Variants in PDE10A observed in about 807,000 individuals in gnomAD.
PDE10A encodes phosphodiesterase 10A, also known as cAMP and cAMP-inhibited cGMP 3',5'-cyclic phosphodiesterase 10A.
A neutral mutation model predicts 97.7 loss-of-function variants in PDE10A; 39 were observed. The observed-to-expected ratio is 0.40, with a 90% CI of 0.31 to 0.52. PDE10A has a LOEUF of 0.52. Ranked by LOEUF, PDE10A falls within the 20% of genes least tolerant of loss-of-function variation. The pLI is 0.56. For missense variants in PDE10A, 731 were observed against 1,047.8 expected (o/e 0.70, Z 4.17); for synonymous variants, 371 against 376.8 (o/e 0.98, Z 0.18).
At chr6:165,619,460 T>C (rs1421669504) in intron 1 of PDE10A, among the ~76,000 whole-genome samples, 1 of 125,398 alleles carries the variant, frequency 8.0e-6, no homozygotes, top group Non-Finnish European at 1.8e-5. Context: ...TAGTGTAGTG[T>C]AGTCTAGTGT....
intron 1 of PDE10A, among the ~76,000 whole-genome samples, chr6:165,979,858 TC>T (rs1474861979): frequency 6.6e-6 from 1 of 152,206 alleles, no homozygotes; most frequent in East Asian, 1.9e-4. Flanking sequence ...CAATTACAAT[TC>T]TCACAAATCT....
chr6:165,501,184 TCA>T (rs1408658006), intron 2 of PDE10A, among the ~76,000 whole-genome samples: 1 of 152,154 alleles, frequency 6.6e-6, no homozygotes, highest in African/African-American at 2.4e-5. Flanking sequence ...CTTTCTTTTC[TCA>T]GTCTCTCATC....
intron 1 of PDE10A, among the ~76,000 whole-genome samples, chr6:165,878,726 C>G (rs1259952990): frequency 6.6e-6 from 1 of 152,148 alleles, no homozygotes; most frequent in African/African-American, 2.4e-5. Context: ...CGAGATGATC[C>G]TGAATTATCC....
chr6:165,894,577 G>C, intron 1 of PDE10A: 1 of 455,912 alleles, frequency 2.2e-6, no homozygotes, highest in Non-Finnish European at 4.4e-6. Context: ...GGCTCCTGGA[G>C]AAGGACCACA....
intron 1 of PDE10A, among the ~76,000 whole-genome samples, chr6:165,772,892 G>C (rs1778054051): frequency 6.6e-6 from 1 of 152,164 alleles, no homozygotes; most frequent in Non-Finnish European, 1.5e-5. Flanking sequence ...AGAGACTCCT[G>C]GCTGGGCATC....
At chr6:165,513,680 G>T (rs989667499) in intron 2 of PDE10A, among the ~76,000 whole-genome samples, 5 of 151,866 alleles carry the variant, frequency 3.3e-5, no homozygotes, top group Non-Finnish European at 5.9e-5. Context: ...CATTCATTTC[G>T]ATTTTCTTTA....
chr6:165,791,122 A>T (rs1045246129), intron 1 of PDE10A, among the ~76,000 whole-genome samples: 47 of 151,828 alleles, frequency 3.1e-4, no homozygotes, highest in African/African-American at 9.4e-4. Context: ...TTTTTAAAAA[A>T]TTTTTTGCAG....
chr6:165,441,785 C>A (rs1449299388), intron 5 of PDE10A, among the ~76,000 whole-genome samples: 1 of 152,138 alleles, frequency 6.6e-6, no homozygotes, highest in Admixed American at 6.5e-5. Flanking sequence ...ATGACTGGGG[C>A]TCAAGAACAG....
intron 1 of PDE10A, among the ~76,000 whole-genome samples, chr6:165,695,343 TGA>T (rs61333352): frequency 0.11 from 15,969 of 152,062 alleles, 1,439 homozygotes; most frequent in East Asian, 0.26. Context: ...GTAGGAATGG[TGA>T]GAGTCTGTGC....
chr6:165,386,560 T>C (rs192534085), intron 17 of PDE10A, among the ~76,000 whole-genome samples: 4 of 151,912 alleles, frequency 2.6e-5, no homozygotes, highest in Admixed American at 2.0e-4. Context: ...AACAAACAAA[T>C]AGTCTCCAAT....
At chr6:165,408,557 C>T (rs1408130297) in intron 13 of PDE10A, among the ~76,000 whole-genome samples, 2 of 152,018 alleles carry the variant, frequency 1.3e-5, no homozygotes, top group Non-Finnish European at 2.9e-5. Flanking sequence ...TATAAAGAAA[C>T]GCGATGCTAT....
intron 3 of PDE10A, among the ~76,000 whole-genome samples, chr6:165,453,080 T>C (rs1777734988): frequency 6.6e-6 from 1 of 152,094 alleles, no homozygotes; most frequent in Non-Finnish European, 1.5e-5. Context: ...CACAAAGAAC[T>C]TGACTGATCT....
At chr6:165,715,765 A>G (rs538918551) in intron 1 of PDE10A, among the ~76,000 whole-genome samples, 66 of 152,326 alleles carry the variant, frequency 4.3e-4, no homozygotes, top group African/African-American at 1.6e-3. Flanking sequence ...ATCACTCGAC[A>G]GTAGGGGGAC....
intron 1 of PDE10A, among the ~76,000 whole-genome samples, chr6:165,606,133 TATTAAC>T (rs1787195296): frequency 7.3e-6 from 1 of 137,848 alleles, no homozygotes; most frequent in African/African-American, 2.7e-5. Flanking sequence ...TTGAGCAAAT[TATTAAC>T]ATTACGAACA....
intron 1 of PDE10A, among the ~76,000 whole-genome samples, chr6:165,882,352 C>T (rs978328966): frequency 5.9e-5 from 9 of 152,168 alleles, no homozygotes; most frequent in African/African-American, 2.2e-4. Flanking sequence ...CACATCATAG[C>T]ATGATATTGG....
chr6:165,537,915 T>C (rs73250012), intron 2 of PDE10A, among the ~76,000 whole-genome samples: 1,985 of 152,078 alleles, frequency 0.013, 49 homozygotes, highest in African/African-American at 0.046. Flanking sequence ...TTTCTTATCA[T>C]GAAAATATAC....
intron 1 of PDE10A, among the ~76,000 whole-genome samples, chr6:165,588,992 A>C (rs1786088866): frequency 6.6e-6 from 1 of 152,206 alleles, no homozygotes; most frequent in African/African-American, 2.4e-5. Flanking sequence ...CTACCACCCA[A>C]TGAAAGCATT....
intron 1 of PDE10A, among the ~76,000 whole-genome samples, chr6:165,828,165 T>C (rs951350128): frequency 6.6e-6 from 1 of 152,208 alleles, no homozygotes. Flanking sequence ...GAGAAAAATG[T>C]TGGTTCTAAG....
At chr6:165,574,024 T>G (rs751329115) in intron 1 of PDE10A, among the ~76,000 whole-genome samples, 3 of 152,188 alleles carry the variant, frequency 2.0e-5, no homozygotes, top group Non-Finnish European at 4.4e-5. Context: ...TTTGTAATTG[T>G]GAGAGTGTAG....
Sources: allele counts gnomAD v4.1 joint callset (sites outside exome capture counted in the v4.1 genomes callset), GRCh38; gene constraint gnomAD v4.1.1; transcripts MANE v1.5; gene names NCBI Gene and HGNC (gene_info 2026-07-23, HGNC 2026-07-21).